CPS1: variants seen among roughly 807,000 people sequenced by gnomAD.
CPS1 encodes carbamoyl-phosphate synthase 1.
CPS1 carries 109 observed loss-of-function variants against 174.6 expected under a neutral mutation model. The ratio of observed to expected loss-of-function variants is 0.62; its 90% CI spans 0.53 to 0.73. The LOEUF is 0.73. Ranked by LOEUF, CPS1 falls within the 30% of genes least tolerant of loss-of-function variation. The pLI is 0.00. For synonymous variants in CPS1, 637 were observed against 632.0 expected (o/e 1.01, Z -0.12); for missense variants, 1,689 against 1,821.9 (o/e 0.93, Z 1.33).
At chr2:210,676,076 C>T (rs576902481) in intron 36 of CPS1, among the ~76,000 whole-genome samples, 66 of 152,282 alleles carry the variant, frequency 4.3e-4, no homozygotes, top group African/African-American at 6.5e-4. Context: ...CTTTCCTTGA[C>T]GGAAACAAGT....
chr2:210,598,654 G>A (rs1698590340), intron 13 of CPS1, among the ~76,000 whole-genome samples: 1 of 151,910 alleles, frequency 6.6e-6, no homozygotes, highest in South Asian at 2.1e-4. Flanking sequence ...AATTCAAGAA[G>A]AAGATCTAAC....
chr2:210,656,742 G>A, intron 30 of CPS1, 110 bp downstream of exon 30: 2 of 782,522 alleles, frequency 2.6e-6, no homozygotes, highest in Non-Finnish European at 4.4e-6. Context: ...TATGCTGCAG[G>A]TTAAATTTAA....
intron 1 of CPS1, among the ~76,000 whole-genome samples, chr2:210,510,703 A>G (rs953623676): frequency 2.6e-5 from 4 of 152,184 alleles, no homozygotes; most frequent in African/African-American, 9.6e-5. Flanking sequence ...AAACAACCCC[A>G]TCAACAAGTG....
Position 210,602,345 on chromosome 2 carries a change from A to T in CPS1, c.1836+15A>T. 1 of 1,612,250 alleles carries T rather than the reference A, an allele frequency of 6.2e-7. No homozygotes were observed. Among genetic ancestry groups the T allele is most frequent in the Admixed American group, 1.7e-5 (1 of 59,856 alleles). ...TCAGCACAAAGGTATGTATTTTTGT[A>T]GACAATATTCTTACCAACCAAAAAA... On this transcript the variant is annotated intron_variant, in intron 16 of 37. Coordinates refer to ENST00000233072, the MANE Select transcript of CPS1 (RefSeq NM_001875.5).
intron 16 of CPS1, among the ~76,000 whole-genome samples, chr2:210,604,675 G>A (rs1319116194): frequency 2.6e-5 from 4 of 151,808 alleles, no homozygotes; most frequent in Admixed American, 6.6e-5. Flanking sequence ...TATTGTGTGT[G>A]TCACTGTACA....
chr2:210,652,378 C>T (rs1054761566), intron 28 of CPS1, among the ~76,000 whole-genome samples: 1 of 151,982 alleles, frequency 6.6e-6, no homozygotes, highest in Non-Finnish European at 1.5e-5. Context: ...TGGGGCAAGA[C>T]CAAATTCATG....
intron 21 of CPS1, chr2:210,618,501 CATT>C (rs1394696596): frequency 6.6e-6 from 1 of 152,092 alleles, no homozygotes; most frequent in East Asian, 1.9e-4. Context: ...ACCCTGAACT[CATT>C]ATCTGAGTGT....
intron 14 of CPS1, among the ~76,000 whole-genome samples, chr2:210,599,808 T>G (rs1430289012): frequency 6.6e-6 from 1 of 151,982 alleles, no homozygotes; most frequent in African/African-American, 2.4e-5. Context: ...AGTAGGTTTC[T>G]TGCATTTCTC....
At chr2:210,587,142 A>G (rs1463054355) in intron 6 of CPS1, among the ~76,000 whole-genome samples, 5 of 152,032 alleles carry the variant, frequency 3.3e-5, no homozygotes, top group Non-Finnish European at 5.9e-5. Context: ...TTTTTTCCTC[A>G]ACTACAGTCT....
At chr2:210,548,393 T>G (rs534743924) in intron 1 of CPS1, among the ~76,000 whole-genome samples, 20 of 152,192 alleles carry the variant, frequency 1.3e-4, no homozygotes, top group Non-Finnish European at 2.8e-4. Flanking sequence ...TCTTTTGAAA[T>G]AATCAATTAC....
chr2:210,642,670 GA>G lies in CPS1; in HGVS notation c.3141+9del, dbSNP rs1212636083. On this transcript the variant is annotated splice_donor_region_variant and intron_variant, in intron 25 of 37. Transcript: ENST00000233072. ...CTAGACATCTACCATCAGGAGGTAA[GA>G]AAAGAAAAACAGAAAAAAAAGAAAA... 1.2e-6 allele frequency: 2 copies of G among 1,612,048 alleles called. No homozygotes were observed. Among genetic ancestry groups the G allele is most frequent in the Non-Finnish European group, 1.7e-6 (2 of 1,179,098 alleles).
chr2:210,666,768 C>T (rs960538222), intron 33 of CPS1, among the ~76,000 whole-genome samples: 1 of 152,154 alleles, frequency 6.6e-6, no homozygotes, highest in African/African-American at 2.4e-5. Context: ...GGTGATGCCT[C>T]CAGCTTTGTT....
intron 31 of CPS1, 31 bp from the exon 32 acceptor site, chr2:210,660,454 C>T: frequency 6.2e-7 from 1 of 1,608,300 alleles, no homozygotes; most frequent in Non-Finnish European, 8.5e-7. Flanking sequence ...TCTCAATGTC[C>T]TCTTTCTCAT....
chr2:210,523,167 G>A (rs1352921603), intron 1 of CPS1, among the ~76,000 whole-genome samples: 1 of 151,946 alleles, frequency 6.6e-6, no homozygotes, highest in Non-Finnish European at 1.5e-5. Flanking sequence ...GCTATGTAAT[G>A]TGAAGTTCTT....
chr2:210,667,400 T>C (rs887257166), intron 33 of CPS1, among the ~76,000 whole-genome samples: 5 of 152,174 alleles, frequency 3.3e-5, no homozygotes, highest in Admixed American at 3.3e-4. Flanking sequence ...CATGGCAGAA[T>C]TGACTCCTAT....
intron 21 of CPS1, among the ~76,000 whole-genome samples, chr2:210,635,079 G>C (rs1700003343): frequency 6.6e-6 from 1 of 152,100 alleles, no homozygotes; most frequent in Non-Finnish European, 1.5e-5. Flanking sequence ...GAGTAGCTGG[G>C]ATTACAGGCA....
At chr2:210,656,737 T>A in intron 30 of CPS1, 105 bp downstream of exon 30, 1 of 802,276 alleles carries the variant, frequency 1.2e-6, no homozygotes, top group South Asian at 1.5e-5. Context: ...TAAGATATGC[T>A]GCAGGTTAAA....
At position 210,577,523 on chromosome 2, in the gene CPS1, A is replaced by G. The variant is rs1433190615; in HGVS notation, c.471+13A>G. ...ACAGGAAGAAAAGGTAAGAAATGTA[A>G]TAGGGCATCCATCATCACCTAAGGA... On this transcript the variant is annotated intron_variant, in intron 4 of 37. Transcript: ENST00000233072. 2 of 1,591,348 alleles carry G rather than the reference A, an allele frequency of 1.3e-6. No homozygotes were observed. The highest frequency in any genetic ancestry group is 1.3e-5 in the African/African-American group (1 of 74,444).
In CPS1 at chr2:210,590,185, G is replaced by T. The variant is rs777265730; in HGVS notation, c.791G>T (p.Gly264Val). The T allele has an allele frequency of 6.2e-7, 1 of 1,612,938 alleles. No homozygotes were observed. ...MEYDGILIAG[G>V]PGNPALAEPL... The stretch of plus-strand genomic sequence containing the variant: ...TATGATGGGATTTTGATCGCGGGAG[G>T]ACCGGGGAACCCAGCTCTTGCAGAA... The change falls in exon 8 of 38, where the codon GGA (glycine) becomes GTA (valine). Residue 264 changes from glycine (G) to valine (V), a missense_variant. By Grantham distance (109) the Gly-to-Val change is moderately radical (BLOSUM62 -3). Transcript: ENST00000233072.
Sources: gnomAD v4.1 joint callset for allele counts (sites outside exome capture counted in the v4.1 genomes callset) on GRCh38, gnomAD v4.1.1 for gene constraint, MANE v1.5 for transcripts, NCBI Gene and HGNC (gene_info 2026-07-23, HGNC 2026-07-21) for gene names.